Variants in CSMD3 observed in about 807,000 individuals in gnomAD.
The protein encoded by CSMD3 is CUB and sushi domain-containing protein 3.
In CSMD3, 177 loss-of-function variants were observed where a neutral mutation model predicts 435.2. The observed-to-expected ratio is 0.41, with a 90% CI of 0.36 to 0.46. The LOEUF (loss-of-function observed/expected upper bound fraction) is 0.46, where lower values mean the gene tolerates loss of function less well. Ranked by LOEUF, CSMD3 falls within the 20% of genes least tolerant of loss-of-function variation. The pLI is 0.34. For missense variants in CSMD3, 4,265 were observed against 4,504.6 expected (o/e 0.95, Z 1.52); for synonymous variants, 1,656 against 1,520.5 (o/e 1.09, Z -2.07).
chr8:113,164,912 T>C (rs904714130), intron 4 of CSMD3, among the ~76,000 whole-genome samples: 1 of 152,154 alleles, frequency 6.6e-6, no homozygotes, highest in Non-Finnish European at 1.5e-5. Flanking sequence ...ATGTGTCACA[T>C]AGCATTAAAT....
chr8:112,939,825 A>T (rs1404474077), intron 9 of CSMD3, among the ~76,000 whole-genome samples: 3 of 152,020 alleles, frequency 2.0e-5, no homozygotes, highest in Non-Finnish European at 4.4e-5. Flanking sequence ...TCAATAAAAG[A>T]GTGAAAAATG....
rs930603256 is a variant in CSMD3, at chr8:112,897,704, G to C, written c.1633+23923C>G. ...TCTCTCTCTCTCTCTCTGTGTGTGT[G>C]TGTGTGTGTGTGTGTGTGTGTGTGT... On this transcript the variant is annotated intron_variant, in intron 10 of 70. Transcript: ENST00000297405. Among the ~76,000 whole-genome samples the C allele has an allele frequency of 1.9e-4, 29 of 148,894 alleles. 1 individual carries two copies. In the South Asian group the frequency reaches 5.5e-3, roughly 28 times the overall value.
At chr8:112,253,852 A>G (rs922146891) in intron 63 of CSMD3, among the ~76,000 whole-genome samples, 4 of 151,860 alleles carry the variant, frequency 2.6e-5, no homozygotes, top group Admixed American at 6.6e-5. Context: ...CCGCATTTTT[A>G]TATATTTGCT....
intron 70 of CSMD3, among the ~76,000 whole-genome samples, chr8:112,226,570 CAAATGGAAACTTTTGT>C (rs1232938516): frequency 3.9e-5 from 6 of 152,148 alleles, no homozygotes; most frequent in African/African-American, 1.4e-4. Context: ...TTAACTTCAT[CAAATGGAAACTTTTGT>C]ACATCAAAGA....
intron 32 of CSMD3, among the ~76,000 whole-genome samples, chr8:112,455,615 A>G (rs867893247): frequency 8.9e-4 from 135 of 151,284 alleles, no homozygotes; most frequent in Middle Eastern, 3.4e-3. Flanking sequence ...AAATAAATAA[A>G]TAAATAAATA....
intron 27 of CSMD3, among the ~76,000 whole-genome samples, chr8:112,529,530 G>A (rs1227937599): frequency 4.6e-5 from 7 of 152,068 alleles, no homozygotes; most frequent in African/African-American, 1.4e-4. Context: ...TCAGACTGCC[G>A]TGAGCTGTAA....
At chr8:113,368,137 C>A (rs2094324738) in intron 1 of CSMD3, among the ~76,000 whole-genome samples, 2 of 152,084 alleles carry the variant, frequency 1.3e-5, no homozygotes, top group Admixed American at 1.3e-4. Flanking sequence ...ATAATTTTGG[C>A]TCAAAATGGC....
chr8:112,406,993 A>C (rs965730392), intron 34 of CSMD3, among the ~76,000 whole-genome samples: 3 of 151,962 alleles, frequency 2.0e-5, no homozygotes, highest in Non-Finnish European at 1.5e-5. Context: ...TACCGAACTC[A>C]TTAATATTAC....
At chr8:113,309,874 G>A (rs1166361442) in intron 2 of CSMD3, 1 of 152,228 alleles carries the variant, frequency 6.6e-6, no homozygotes, top group African/African-American at 2.4e-5. Context: ...TGTTGACCAA[G>A]GGATGGTGAT....
chr8:112,608,196 C>T (rs1320196738), intron 22 of CSMD3, among the ~76,000 whole-genome samples: 2 of 151,564 alleles, frequency 1.3e-5, no homozygotes, highest in African/African-American at 2.4e-5. Context: ...GAAAGCAATG[C>T]CATGTATAAT....
intron 46 of CSMD3, 42 bp downstream of exon 46, chr8:112,319,859 G>T (rs892126793): frequency 7.2e-7 from 1 of 1,379,820 alleles, no homozygotes; most frequent in South Asian, 1.2e-5. Flanking sequence ...AAATAGTTCT[G>T]CCAGCAGTAT....
chr8:112,589,291 C>T (rs2131362622), intron 22 of CSMD3, among the ~76,000 whole-genome samples: 1 of 152,228 alleles, frequency 6.6e-6, no homozygotes, highest in African/African-American at 2.4e-5. Flanking sequence ...CTACTACTGG[C>T]CCTTGGCCAC....
At chr8:112,358,346 A>G (rs1826842153) in intron 38 of CSMD3, among the ~76,000 whole-genome samples, 1 of 152,098 alleles carries the variant, frequency 6.6e-6, no homozygotes, top group Non-Finnish European at 1.5e-5. Flanking sequence ...TGAACTACTG[A>G]GTTAATGCTG....
chr8:112,370,271 GAAAT>G (rs1828265760), intron 38 of CSMD3, among the ~76,000 whole-genome samples: 1 of 152,040 alleles, frequency 6.6e-6, no homozygotes, highest in South Asian at 2.1e-4. Flanking sequence ...TGTCTTATTG[GAAAT>G]AAATAATGTG....
chr8:112,293,296 A>G (rs1157016916), intron 54 of CSMD3, among the ~76,000 whole-genome samples: 3 of 152,114 alleles, frequency 2.0e-5, no homozygotes, highest in South Asian at 2.1e-4. Flanking sequence ...GCTTTAAAAA[A>G]CAAAGTTAAA....
At chr8:113,027,559 T>C (rs2086920477) in intron 5 of CSMD3, among the ~76,000 whole-genome samples, 1 of 152,144 alleles carries the variant, frequency 6.6e-6, no homozygotes, top group Non-Finnish European at 1.5e-5. Context: ...CAAAAGTCAC[T>C]GGACATCAGG....
intron 30 of CSMD3, among the ~76,000 whole-genome samples, chr8:112,497,549 A>C (rs549861396): frequency 1.3e-3 from 202 of 151,388 alleles, no homozygotes; most frequent in Non-Finnish European, 2.3e-3. Flanking sequence ...AAGGAAAAAG[A>C]CCACTAATAA....
At chr8:112,696,149 C>A (rs2131851222) in intron 13 of CSMD3, among the ~76,000 whole-genome samples, 1 of 152,194 alleles carries the variant, frequency 6.6e-6, no homozygotes, top group African/African-American at 2.4e-5. Flanking sequence ...GCTATACTGC[C>A]CAAGGTAATT....
At position 112,254,337 on chromosome 8, in the gene CSMD3, G is replaced by A. The variant is rs954830792; in HGVS notation, c.10037-11C>T. 6.3e-7 allele frequency: 1 copy of A among 1,587,674 alleles called. No individual in the cohort carries two copies. Among genetic ancestry groups the A allele is most frequent in the East Asian group, 2.2e-5 (1 of 44,658 alleles). On this transcript the variant is annotated splice_polypyrimidine_tract_variant and intron_variant, in intron 62 of 70. Transcript: ENST00000297405. ...AGGTTTGGGTAGGCTCTAAAATGAAGATTAAAAAGATATTAGTCCTTTAAA... is the reference window on the plus strand; with the variant it reads ...AGGTTTGGGTAGGCTCTAAAATGAAAATTAAAAAGATATTAGTCCTTTAAA...
Sources: gnomAD v4.1 joint callset for allele counts (sites outside exome capture counted in the v4.1 genomes callset) on GRCh38, gnomAD v4.1.1 for gene constraint, MANE v1.5 for transcripts, NCBI Gene and HGNC (gene_info 2026-07-23, HGNC 2026-07-21) for gene names.